LDB1: variants seen among roughly 807,000 people sequenced by gnomAD.
LDB1 encodes LIM domain-binding protein 1.
LDB1 carries 6 observed loss-of-function variants against 49.7 expected under a neutral mutation model. That is an observed-to-expected ratio of 0.12 (90% confidence interval 0.07 to 0.24). The LOEUF (loss-of-function observed/expected upper bound fraction) is 0.24, where lower values mean the gene tolerates loss of function less well. LDB1 is among the 10% of genes least tolerant of loss of function. The pLI, the probability that LDB1 is intolerant of heterozygous loss-of-function variation, is 1.00. For missense variants in LDB1, 341 were observed against 561.7 expected, an observed-to-expected ratio of 0.61 and a Z score of 3.97; for synonymous variants, 233 against 202.0, an observed-to-expected ratio of 1.15 and a Z score of -1.30.
intron 1 of LDB1, chr10:102,114,702 CT>C: frequency 1.2e-6 from 1 of 808,604 alleles, no homozygotes; most frequent in East Asian, 1.3e-4. Context: ...CCGGAGCCTT[CT>C]TTGTTTGCAA....
chr10:102,115,597 C>G (rs557566805), intron 1 of LDB1, among the ~76,000 whole-genome samples: 13 of 152,088 alleles, frequency 8.5e-5, no homozygotes, highest in Non-Finnish European at 1.8e-4. Flanking sequence ...CAGGAAGCCC[C>G]CTTCCCCACC....
chr10:102,118,086 G>A (rs543382308), intron 1 of LDB1, among the ~76,000 whole-genome samples: 1 of 152,228 alleles, frequency 6.6e-6, no homozygotes, highest in African/African-American at 2.4e-5. Flanking sequence ...TGCTCAAGGT[G>A]GGGGAAATCT....
At chr10:102,115,931 A>C (rs562541607) in intron 1 of LDB1, among the ~76,000 whole-genome samples, 97 of 150,518 alleles carry the variant, frequency 6.4e-4, no homozygotes, top group African/African-American at 1.9e-3. Flanking sequence ...CACACACACA[A>C]ACACACACAC....
intron 6 of LDB1, 47 bp from the exon 7 acceptor site, chr10:102,110,090 C>A (rs768136324): frequency 6.3e-7 from 1 of 1,580,314 alleles, no homozygotes; most frequent in Admixed American, 1.7e-5. Flanking sequence ...ACATACCATA[C>A]CTGAAGGTAT....
rs2068216721 is a variant in LDB1 at position 102,109,372 on chromosome 10, C to T, written c.856+12G>A. The stretch of plus-strand genomic sequence containing the variant: ...TGTGAGATCCTGGTAAGAGCAGGTG[C>T]AAGGCACTCACCAGGGGGTGCTACC... On this transcript the variant is annotated intron_variant, in intron 9 of 10. Coordinates refer to ENST00000673968, the MANE Select transcript of LDB1 (RefSeq NM_001113407.3). The surrounding 1 kb of genome is among the most constrained non-coding windows in gnomAD (Gnocchi z 5.8). The T allele has an allele frequency of 1.2e-6, 2 of 1,613,686 alleles. No individual in the cohort carries two copies. Among genetic ancestry groups the T allele is most frequent in the African/African-American group, 2.7e-5 (2 of 74,894 alleles).
chr10:102,114,668 G>T lies in LDB1; in HGVS notation c.26-3132C>A. 6.9e-6 allele frequency: 6 copies of T among 871,828 alleles called. No homozygotes were observed. The South Asian group carries it at 3.1e-4, about 46-fold the overall frequency. 54.0% of individuals were successfully genotyped at this position (871,828 alleles called of 1,614,324 possible). ...GGGCCGGGGGCCAGGGGGCCGGCCT[G>T]GGGGGCGGGGGGCCGCGGGGAGTCC... is the stretch of plus-strand genomic sequence containing the variant. On this transcript the variant is annotated intron_variant, in intron 1 of 10. Transcript: ENST00000673968.
chr10:102,119,967 G>T, intron 1 of LDB1, 119 bp downstream of exon 1: 1 of 729,260 alleles, frequency 1.4e-6, no homozygotes, highest in Non-Finnish European at 2.0e-6. Context: ...AGCCCTTCCA[G>T]CCCCCGGCTT....
intron 1 of LDB1, among the ~76,000 whole-genome samples, chr10:102,118,400 T>G (rs1036179424): frequency 2.0e-5 from 3 of 152,098 alleles, no homozygotes; most frequent in African/African-American, 7.2e-5. Context: ...TTCTGGGGCA[T>G]TGACTGAAGT....
chr10:102,109,691 G>A lies in LDB1; in HGVS notation c.649-8C>T, dbSNP rs1266704364. ...CATCTGGGGGTCTTGGGCCTAGAGT[G>A]GGAGAAAAGACAAGAAAGAACACTG... On this transcript the variant is annotated splice_region_variant and splice_polypyrimidine_tract_variant and intron_variant, in intron 7 of 10. Coordinates refer to ENST00000673968, the MANE Select transcript of LDB1 (RefSeq NM_001113407.3). This position sits in a 1 kb window ranked among gnomAD's most constrained non-coding sequence, Gnocchi z 5.8. 1 of 1,613,660 alleles carries A rather than the reference G, an allele frequency of 6.2e-7. No individual in the cohort carries two copies.
At chr10:102,108,422 CAA>C (rs2068199384) in intron 10 of LDB1, 99 bp from the exon 11 acceptor site, 3 of 835,136 alleles carry the variant, frequency 3.6e-6, no homozygotes, top group East Asian at 5.3e-5. Context: ...CCTGGAAGCT[CAA>C]GAGTCCCCAC....
Position 102,109,206 on chromosome 10 carries a change from G to A in LDB1, c.857-29C>T. On this transcript the variant is annotated intron_variant, in intron 9 of 10. Coordinates refer to ENST00000673968, the MANE Select transcript of LDB1 (RefSeq NM_001113407.3). The surrounding 1 kb of genome is among the most constrained non-coding windows in gnomAD (Gnocchi z 5.8). ...TGCCGGTAAACGGAGACTCAGATGG[G>A]AGAGGGCCCCAGGTCCCCTATTCTC... 1 of 1,612,498 alleles carries A rather than the reference G, an allele frequency of 6.2e-7. No individual in the cohort carries two copies. Among genetic ancestry groups the A allele is most frequent in the Non-Finnish European group, 8.5e-7 (1 of 1,179,842 alleles).
chr10:102,114,047 G>A (rs749953621), intron 1 of LDB1, among the ~76,000 whole-genome samples: 8 of 152,226 alleles, frequency 5.3e-5, no homozygotes, highest in Non-Finnish European at 1.2e-4. Context: ...GCAGCAAGGT[G>A]GGGGGACGGA....
intron 1 of LDB1, among the ~76,000 whole-genome samples, chr10:102,119,780 T>A (rs924910782): frequency 6.6e-6 from 1 of 151,590 alleles, no homozygotes; most frequent in Admixed American, 6.6e-5. Context: ...TCACTTCTGA[T>A]TGGCTAACAA....
In LDB1 at chr10:102,109,844, C is replaced by A; in HGVS notation, c.648+77G>T. 2 of 1,580,956 alleles carry A rather than the reference C, an allele frequency of 1.3e-6. No homozygotes were observed. Among genetic ancestry groups the A allele is most frequent in the South Asian group, 2.3e-5 (2 of 87,576 alleles). On this transcript the variant is annotated intron_variant, in intron 7 of 10. Coordinates refer to ENST00000673968, the MANE Select transcript of LDB1 (RefSeq NM_001113407.3). The surrounding 1 kb of genome is among the most constrained non-coding windows in gnomAD (Gnocchi z 5.8). Reference sequence around the variant, plus strand: ...CTAACCCTCTGTCTAAGTAGTCAGTCGGGAAATGGCAGACCTTGTTCCACC... The same window carrying A: ...CTAACCCTCTGTCTAAGTAGTCAGTAGGGAAATGGCAGACCTTGTTCCACC...
chr10:102,107,129 C>T lies in LDB1; in HGVS notation c.*964G>A, dbSNP rs535096074. On this transcript the variant is annotated 3_prime_UTR_variant, in exon 11 of 11. Transcript: ENST00000673968. ...CAAAAATACAGCAACAAGGCTGCTC[C>T]CTTCTCTCCACGCTCCCTAAGGGAA... 1.3e-5 allele frequency among the ~76,000 whole-genome samples: 2 copies of T among 152,288 alleles called. No individual in the cohort carries two copies. The highest frequency in any genetic ancestry group is 3.9e-4 in the East Asian group (2 of 5,188).
At position 102,111,571 on chromosome 10, in the gene LDB1, G is replaced by A. The variant is rs551106654; in HGVS notation, c.26-35C>T. On this transcript the variant is annotated intron_variant, in intron 1 of 10. Transcript: ENST00000673968. ...AAAGAAAGGAGTCATAGCTGGGCGCGGTGGCTCACATCTGTAATCTAGCAC... is the reference window on the plus strand; with the variant it reads ...AAAGAAAGGAGTCATAGCTGGGCGCAGTGGCTCACATCTGTAATCTAGCAC... The A allele has an allele frequency of 6.1e-5, 80 of 1,303,028 alleles. No individual in the cohort carries two copies. In the Middle Eastern group the frequency reaches 7.6e-4, roughly 12 times the overall value. 80.7% of individuals were successfully genotyped at this position (1,303,028 alleles called of 1,614,324 possible). A position where few individuals can be genotyped will look rare whatever the true frequency, so the allele number is the denominator to read the frequency against.
intron 2 of LDB1, 66 bp downstream of exon 2, chr10:102,111,368 C>A (rs2068250757): frequency 6.2e-7 from 1 of 1,600,064 alleles, no homozygotes; most frequent in African/African-American, 1.3e-5. Context: ...GGGGGCTACT[C>A]CCTCCCCTTT....
chr10:102,114,812 G>GGGGGCGCCCCC, intron 1 of LDB1: 1 of 929,818 alleles, frequency 1.1e-6, no homozygotes, highest in Non-Finnish European at 1.3e-6. Context: ...CCTCCGAGCA[G>GGGGGCGCCCCC]CCCGCCCGCC....
At position 102,120,169 on chromosome 10, in the gene LDB1, A is replaced by T; in HGVS notation, c.-59T>A. ...GTCACGGTGCCCGCCCCTCGCGGGG[A>T]CAGGCCGGGCATGAGCCGCCGCCGC... is the stretch of plus-strand genomic sequence containing the variant. On this transcript the variant is annotated 5_prime_UTR_variant, in exon 1 of 11. Transcript: ENST00000673968. 3 of 1,218,428 alleles carry T rather than the reference A, an allele frequency of 2.5e-6. No homozygotes were observed. Among genetic ancestry groups the T allele is most frequent in the Non-Finnish European group, 3.1e-6 (3 of 972,208 alleles). 75.5% of individuals were successfully genotyped at this position (1,218,428 alleles called of 1,614,324 possible). A position where few individuals can be genotyped will look rare whatever the true frequency, so the allele number is the denominator to read the frequency against.
Sources: allele counts gnomAD v4.1 joint callset (sites outside exome capture counted in the v4.1 genomes callset), GRCh38; gene constraint gnomAD v4.1.1; non-coding constraint Gnocchi (gnomAD v3.1); transcripts MANE v1.5; gene names NCBI Gene and HGNC (gene_info 2026-07-23, HGNC 2026-07-21).